ATAD2: variants seen among roughly 807,000 people sequenced by gnomAD.
The protein encoded by ATAD2 is ATPase family AAA domain containing 2.
Under a neutral mutation model 168.9 loss-of-function variants are expected in ATAD2, and 62 were observed. The observed-to-expected ratio is 0.37, with a 90% confidence interval of 0.30 to 0.45. ATAD2 has a LOEUF of 0.45. ATAD2 is among the 20% of genes least tolerant of loss of function. The pLI is 1.00. For missense variants in ATAD2, 1,419 were observed against 1,667.8 expected (o/e 0.85, Z 2.60); for synonymous variants, 613 against 571.6 (o/e 1.07, Z -1.03).
chr8:123,370,109 T>G, intron 6 of ATAD2, 85 bp from the exon 7 acceptor site: 2 of 1,261,622 alleles, frequency 1.6e-6, no homozygotes, highest in East Asian at 2.4e-5. Flanking sequence ...GAGAGAAAGA[T>G]CCACCCTTTT....
intron 13 of ATAD2, among the ~76,000 whole-genome samples, chr8:123,351,420 T>C (rs925167784): frequency 2.6e-5 from 4 of 152,166 alleles, no homozygotes; most frequent in African/African-American, 9.6e-5. Flanking sequence ...GTGACAACCA[T>C]AACTGTCTCT....
chr8:123,380,748 T>C, intron 1 of ATAD2, 71 bp from the exon 2 acceptor site: 3 of 1,494,366 alleles, frequency 2.0e-6, no homozygotes, highest in Non-Finnish European at 2.7e-6. Context: ...CTCCAAAGAG[T>C]ATTCTCTGAT....
chr8:123,398,693 C>G (rs891898906), upstream of ATAD2, among the ~76,000 whole-genome samples: 6 of 151,590 alleles, frequency 4.0e-5, no homozygotes, highest in Non-Finnish European at 4.4e-5. Context: ...TTTTTAGAGA[C>G]GGGGTCTCAC....
In ATAD2 at chr8:123,409,940, GA is replaced by G. The variant is rs33947485; in HGVS notation, c.-2282+6307del. Among the ~76,000 whole-genome samples the G allele has an allele frequency of 6.2e-3, 642 of 102,848 alleles. 2 individuals are homozygous for G. Among genetic ancestry groups the G allele is most frequent in the East Asian group, 8.2e-3 (29 of 3,538 alleles). The allele number at this position is 102,848 out of a possible 152,430, so 67.5% of individuals were successfully genotyped here. On this transcript the variant is annotated intron_variant, in intron 1 of 28. Coordinates refer to the ATAD2 transcript ENST00000521903. ...GTGACAAGAGTGAGACTCCATCTCG[GA>G]AAAAAAAAAAAAAAAAGCATTAAAA...
At chr8:123,374,702 A>G (rs1322403375) in intron 2 of ATAD2, among the ~76,000 whole-genome samples, 1 of 152,220 alleles carries the variant, frequency 6.6e-6, no homozygotes, top group Non-Finnish European at 1.5e-5. Flanking sequence ...AAGGAGCCAC[A>G]TACAAAATGA....
chr8:123,360,320 A>C (rs1366665371), intron 9 of ATAD2, among the ~76,000 whole-genome samples: 1 of 152,026 alleles, frequency 6.6e-6, no homozygotes, highest in Admixed American at 6.6e-5. Context: ...AAGTTCCCTA[A>C]CTACTTCCTT....
At chr8:123,362,680 T>C (rs1828862474) in intron 8 of ATAD2, among the ~76,000 whole-genome samples, 1 of 152,002 alleles carries the variant, frequency 6.6e-6, no homozygotes, top group Non-Finnish European at 1.5e-5. Flanking sequence ...CCTCCCAAAG[T>C]GCTGGGATTA....
intron 12 of ATAD2, 118 bp downstream of exon 12, chr8:123,357,440 GAAAT>G (rs1199024843): frequency 1.2e-5 from 12 of 968,422 alleles, no homozygotes; most frequent in Non-Finnish European, 1.7e-5. Context: ...AATCTAGAAA[GAAAT>G]AGTCTAATTC....
intron 2 of ATAD2, among the ~76,000 whole-genome samples, chr8:123,377,111 A>AAAAAAAAAAAGAGCC: frequency 6.8e-6 from 1 of 146,850 alleles, no homozygotes; most frequent in African/African-American, 2.5e-5. Context: ...AAAAAAAAAA[A>AAAAAAAAAAAGAGCC]AGAGCCAGGT....
chr8:123,389,114 C>G (rs1416112747), intron 1 of ATAD2, among the ~76,000 whole-genome samples: 1 of 147,314 alleles, frequency 6.8e-6, no homozygotes, highest in Non-Finnish European at 1.5e-5. Flanking sequence ...TTACAGGAGC[C>G]TGCTACCACG....
intron 8 of ATAD2, among the ~76,000 whole-genome samples, chr8:123,366,248 A>G (rs550125699): frequency 5.9e-5 from 9 of 152,276 alleles, no homozygotes; most frequent in Admixed American, 5.2e-4. Context: ...AAATGGCTAT[A>G]ATCAAAAAAT....
At chr8:123,379,726 C>G (rs1313899417) in intron 2 of ATAD2, among the ~76,000 whole-genome samples, 1 of 151,422 alleles carries the variant, frequency 6.6e-6, no homozygotes, top group African/African-American at 2.4e-5. Context: ...CTATGCCCAG[C>G]TATATTTTTT....
chr8:123,404,949 A>G (rs1813051128), intron 1 of ATAD2, among the ~76,000 whole-genome samples: 1 of 152,208 alleles, frequency 6.6e-6, no homozygotes, highest in Non-Finnish European at 1.5e-5. Flanking sequence ...CCCTGTTTCC[A>G]AATCAGATCA....
chr8:123,396,236 G>A lies in ATAD2; in HGVS notation c.122C>T (p.Ser41Leu). 6.2e-7 allele frequency: 1 copy of A among 1,604,830 alleles called. No homozygotes were observed. The highest frequency in any genetic ancestry group is 8.5e-7 in the Non-Finnish European group (1 of 1,178,038). ...LEHIGRRRLR[S>L]AGAAQKKPAA... is the part of the protein sequence containing the mutation. Reference sequence around the variant, plus strand: ...GGGTTTCTTCTGCGCCGCGCCGGCCGAGCGGAGCCGCCTCCGGCCGATGTG... The same window carrying A: ...GGGTTTCTTCTGCGCCGCGCCGGCCAAGCGGAGCCGCCTCCGGCCGATGTG... The change falls in exon 1 of 28, where the codon TCG becomes TTG. Residue 41 changes from serine to leucine, a missense_variant. Transcript: ENST00000287394.
intron 25 of ATAD2, among the ~76,000 whole-genome samples, chr8:123,326,350 C>T (rs1827614310): frequency 6.6e-6 from 1 of 151,822 alleles, no homozygotes; most frequent in Admixed American, 6.6e-5. Flanking sequence ...TGTAAAATAC[C>T]ACCCATGGTC....
At chr8:123,330,924 TTTTC>T (rs1417746556) in intron 24 of ATAD2, among the ~76,000 whole-genome samples, 17 of 152,302 alleles carry the variant, frequency 1.1e-4, no homozygotes, top group Admixed American at 2.0e-4. Flanking sequence ...AATTTCCTTC[TTTTC>T]TTTCTTTATT....
At chr8:123,385,616 C>T (rs961135974) in intron 1 of ATAD2, among the ~76,000 whole-genome samples, 2 of 151,868 alleles carry the variant, frequency 1.3e-5, no homozygotes, top group Admixed American at 6.6e-5. Context: ...TTGGATGACA[C>T]CAAAAGCACA....
In ATAD2 at chr8:123,337,700, GA is replaced by G. The variant is rs1220568443; in HGVS notation, c.2975del (p.Phe992SerfsTer2). The stretch of plus-strand genomic sequence containing the variant: ...CAAGCCTATGTGTAACATTTCTTAA[GA>G]AAATCCTCAGTTCTCTAAATGTATC... ...EEDTFRELRI[F>X]LRNVTHRLAI... On this transcript the variant is annotated frameshift_variant, in exon 21 of 28. Transcript: ENST00000287394. LOFTEE classifies it high-confidence loss of function. 1 of 1,613,542 alleles carries G rather than the reference GA, an allele frequency of 6.2e-7. No homozygotes were observed. Among genetic ancestry groups the G allele is most frequent in the African/African-American group, 1.3e-5 (1 of 74,916 alleles).
In ATAD2 at chr8:123,336,367, G is replaced by T; in HGVS notation, c.3211+6C>A. 1.3e-6 allele frequency: 2 copies of T among 1,568,956 alleles called. No individual in the cohort carries two copies. ...ACCCCCTGAAAAAAAATTCACTAAT[G>T]CTCACCTCCAGGATCTCTATCTGGA... is the stretch of plus-strand genomic sequence containing the variant. On this transcript the variant is annotated splice_donor_region_variant and intron_variant, in intron 22 of 27. Transcript: ENST00000287394.
Sources: gnomAD v4.1 joint callset for allele counts (sites outside exome capture counted in the v4.1 genomes callset) on GRCh38, gnomAD v4.1.1 for gene constraint, MANE v1.5 for transcripts, NCBI Gene and HGNC (gene_info 2026-07-23, HGNC 2026-07-21) for gene names.